Variants in ARHGEF3 observed in about 807,000 individuals in gnomAD.
ARHGEF3 encodes the protein Rho guanine nucleotide exchange factor 3.
A neutral mutation model predicts 63.2 loss-of-function variants in ARHGEF3; 28 were observed. The ratio of observed to expected loss-of-function variants is 0.44; its 90% CI spans 0.33 to 0.61. The LOEUF is 0.61. ARHGEF3 is among the 20% of genes least tolerant of loss of function. The pLI is 0.03. For synonymous variants in ARHGEF3, 266 were observed against 254.2 expected (o/e 1.05, Z -0.44); for missense variants, 533 against 659.3 (o/e 0.81, Z 2.10).
At chr3:56,795,876 G>A (rs1221695621) in intron 1 of ARHGEF3, among the ~76,000 whole-genome samples, 3 of 151,656 alleles carry the variant, frequency 2.0e-5, no homozygotes, top group African/African-American at 4.8e-5. Flanking sequence ...CTGACCTCGT[G>A]ATCCGACCAC....
intron 3 of ARHGEF3, among the ~76,000 whole-genome samples, chr3:56,910,361 C>A (rs2041823362): frequency 6.6e-6 from 1 of 152,258 alleles, no homozygotes; most frequent in East Asian, 1.9e-4. Flanking sequence ...CAGGCAGTGC[C>A]TGATTGATGG....
chr3:56,786,925 T>C (rs936352599), intron 1 of ARHGEF3, among the ~76,000 whole-genome samples: 1 of 149,972 alleles, frequency 6.7e-6, no homozygotes, highest in African/African-American at 2.4e-5. Flanking sequence ...AAAAGTTGGC[T>C]AGCCATTGTA....
chr3:57,026,594 T>A (rs1020113458), intron 2 of ARHGEF3, among the ~76,000 whole-genome samples: 1 of 151,674 alleles, frequency 6.6e-6, no homozygotes, highest in Non-Finnish European at 1.5e-5. Flanking sequence ...CCAGTGAGGG[T>A]ACCACATAAG....
intron 3 of ARHGEF3, among the ~76,000 whole-genome samples, chr3:56,883,695 A>G (rs1414287977): frequency 6.6e-6 from 1 of 152,146 alleles, no homozygotes; most frequent in Non-Finnish European, 1.5e-5. Context: ...AGCTCAACCA[A>G]TCAGTCAAGT....
chr3:56,864,849 T>C lies in ARHGEF3; in HGVS notation c.192+17443A>G, dbSNP rs1013623138. On this transcript the variant is annotated intron_variant, in intron 4 of 12. Transcript: ENST00000338458. ...TTGATAGCCCCCTCTTCAGTTATTA[T>C]ATTACATATAATAAAATTTCAAAGT... 3.3e-5 allele frequency among the ~76,000 whole-genome samples: 5 copies of C among 152,224 alleles called. No homozygotes were observed. The East Asian group carries it at 9.6e-4, about 29-fold the overall frequency.
intron 1 of ARHGEF3, among the ~76,000 whole-genome samples, chr3:56,793,414 T>C (rs926417765): frequency 3.9e-5 from 6 of 151,938 alleles, no homozygotes; most frequent in African/African-American, 1.5e-4. Flanking sequence ...CATGATCCGC[T>C]CGCCTCGGCT....
At chr3:56,855,379 C>T (rs1004414274) in intron 4 of ARHGEF3, among the ~76,000 whole-genome samples, 1 of 152,088 alleles carries the variant, frequency 6.6e-6, no homozygotes, top group African/African-American at 2.4e-5. Context: ...ATGGCCTTTA[C>T]TGATGCAAAA....
At chr3:57,007,375 G>A (rs953854611) in intron 2 of ARHGEF3, 12 of 1,286,912 alleles carry the variant, frequency 9.3e-6, no homozygotes, top group East Asian at 5.6e-5. Flanking sequence ...ACCACTGCAC[G>A]TGCCTTCTGC....
intron 2 of ARHGEF3, among the ~76,000 whole-genome samples, chr3:56,769,453 TAGAG>T (rs1276832706): frequency 1.3e-5 from 2 of 152,252 alleles, no homozygotes; most frequent in Non-Finnish European, 2.9e-5. Context: ...GAGAAGCAGA[TAGAG>T]AGCCATGCAG....
intron 1 of ARHGEF3, among the ~76,000 whole-genome samples, chr3:57,044,699 G>A (rs571751586): frequency 1.3e-5 from 2 of 152,176 alleles, no homozygotes; most frequent in Non-Finnish European, 2.9e-5. Context: ...GGTTTGGGGA[G>A]AAGGTTAGTC....
intron 1 of ARHGEF3, among the ~76,000 whole-genome samples, chr3:57,045,850 T>G (rs554661648): frequency 6.4e-4 from 98 of 152,272 alleles, no homozygotes; most frequent in Admixed American, 1.0e-3. Context: ...CAGCGAAAGA[T>G]TTTCTGACCT....
chr3:56,757,018 A>G (rs1188620930), intron 2 of ARHGEF3, among the ~76,000 whole-genome samples: 2 of 152,222 alleles, frequency 1.3e-5, no homozygotes, highest in Admixed American at 1.3e-4. Flanking sequence ...TCTTAACTAG[A>G]AACTTCCTGA....
intron 2 of ARHGEF3, among the ~76,000 whole-genome samples, chr3:56,982,524 T>C (rs1701364491): frequency 6.6e-6 from 1 of 152,124 alleles, no homozygotes; most frequent in South Asian, 2.1e-4. Flanking sequence ...TCCACCCCTC[T>C]TGCCTGTTTT....
At chr3:56,745,612 T>C (rs2034330461) in intron 6 of ARHGEF3, 150 bp from the exon 7 acceptor site, 5 of 937,940 alleles carry the variant, frequency 5.3e-6, no homozygotes, top group Non-Finnish European at 6.2e-6. Context: ...AGGAAACTAG[T>C]GGAATCTTCA....
chr3:56,890,574 T>C (rs2041086725), intron 3 of ARHGEF3, among the ~76,000 whole-genome samples: 1 of 152,210 alleles, frequency 6.6e-6, no homozygotes, highest in African/African-American at 2.4e-5. Context: ...TCCTGCAGAA[T>C]GATGGGCAGG....
At chr3:57,007,729 A>G (rs1039997954) in intron 2 of ARHGEF3, among the ~76,000 whole-genome samples, 1 of 152,100 alleles carries the variant, frequency 6.6e-6, no homozygotes, top group African/African-American at 2.4e-5. Flanking sequence ...TTTCTTCAAG[A>G]GACTGGCTTT....
intron 4 of ARHGEF3, among the ~76,000 whole-genome samples, chr3:56,817,093 G>A (rs2108023160): frequency 6.6e-6 from 1 of 152,318 alleles, no homozygotes; most frequent in South Asian, 2.1e-4. Flanking sequence ...ACAGAGCACA[G>A]TGTGCTCTTC....
Position 56,785,241 on chromosome 3 carries a change from GT to G in ARHGEF3, c.97-11426del, listed in dbSNP as rs529685658. Among the ~76,000 whole-genome samples, 319 of 152,274 alleles carry G rather than the reference GT, an allele frequency of 2.1e-3. 2 individuals are homozygous for G. The highest frequency in any genetic ancestry group is 7.4e-3 in the African/African-American group (306 of 41,550). ...TTTTCTTCCTGTGGTTTTATCATCT[GT>G]TTAGTCAAGCTCTGGCTGGATACGG... On this transcript the variant is annotated intron_variant, in intron 1 of 9. Transcript: ENST00000296315.
At chr3:56,892,743 C>T (rs1384566479) in intron 3 of ARHGEF3, among the ~76,000 whole-genome samples, 2 of 152,224 alleles carry the variant, frequency 1.3e-5, no homozygotes, top group East Asian at 3.8e-4. Flanking sequence ...TTTACAAAGA[C>T]AGTTGTCAGT....
Sources: allele counts gnomAD v4.1 joint callset (sites outside exome capture counted in the v4.1 genomes callset), GRCh38; gene constraint gnomAD v4.1.1; transcripts MANE v1.5; gene names NCBI Gene and HGNC (gene_info 2026-07-23, HGNC 2026-07-21).